The following WDFY4 variants were observed in gnomAD, a reference collection of about 807,000 sequenced individuals.
WDFY4 encodes WDFY family member 4.
Under a neutral mutation model 351.9 loss-of-function variants are expected in WDFY4, and 169 were observed. The ratio of observed to expected loss-of-function variants is 0.48; its 90% confidence interval spans 0.42 to 0.55. WDFY4 has a LOEUF of 0.55. WDFY4 is among the 20% of genes least tolerant of loss of function. WDFY4 has a pLI of 0.00. For missense variants in WDFY4, 3,803 were observed against 3,935.6 expected, an observed-to-expected ratio of 0.97 and a Z score of 0.90; for synonymous variants, 1,622 against 1,574.6, an observed-to-expected ratio of 1.03 and a Z score of -0.71.
intron 44 of WDFY4, among the ~76,000 whole-genome samples, chr10:48,893,512 C>T (rs972817110): frequency 9.2e-5 from 14 of 152,166 alleles, no homozygotes; most frequent in African/African-American, 3.4e-4. Flanking sequence ...ATAATTCTTC[C>T]CCATCAGTGA....
At chr10:48,850,159 T>C (rs1435211760) in intron 39 of WDFY4, among the ~76,000 whole-genome samples, 1 of 152,248 alleles carries the variant, frequency 6.6e-6, no homozygotes, top group Non-Finnish European at 1.5e-5. Flanking sequence ...CAGATTCCTC[T>C]ATGGTAAAGT....
chr10:48,901,573 G>A (rs765653483), intron 46 of WDFY4, among the ~76,000 whole-genome samples: 2 of 152,180 alleles, frequency 1.3e-5, no homozygotes, highest in Non-Finnish European at 2.9e-5. Flanking sequence ...AGTAATTATT[G>A]TTTTATTGTT....
chr10:48,694,421 C>T (rs557331482), intron 1 of WDFY4, among the ~76,000 whole-genome samples: 2 of 152,238 alleles, frequency 1.3e-5, no homozygotes, highest in South Asian at 4.2e-4. Flanking sequence ...CCTCCTACTC[C>T]CTCTCCAAAG....
chr10:48,926,596 G>T (rs1040127108), intron 47 of WDFY4, among the ~76,000 whole-genome samples: 1 of 152,192 alleles, frequency 6.6e-6, no homozygotes, highest in Non-Finnish European at 1.5e-5. Context: ...AATCATTTCA[G>T]TGTGACCCAT....
chr10:48,933,677 A>C (rs1402376160), intron 47 of WDFY4, among the ~76,000 whole-genome samples: 2 of 152,166 alleles, frequency 1.3e-5, no homozygotes, highest in African/African-American at 4.8e-5. Context: ...ATTATATGAT[A>C]CTAGTAGGGA....
intron 1 of WDFY4, among the ~76,000 whole-genome samples, chr10:48,705,556 C>T (rs183013952): frequency 6.6e-6 from 1 of 152,290 alleles, no homozygotes; most frequent in African/African-American, 2.4e-5. Flanking sequence ...GTTTCCTTCT[C>T]TTTTCAAATA....
At chr10:48,693,201 C>A (rs768737848) in intron 1 of WDFY4, among the ~76,000 whole-genome samples, 1 of 152,140 alleles carries the variant, frequency 6.6e-6, no homozygotes, top group Non-Finnish European at 1.5e-5. Context: ...ATGGGAGCTG[C>A]GGAGGACGTT....
Position 48,974,527 on chromosome 10 carries a change from A to AAAAAAAAAAAAAAAAAC in WDFY4, c.8929-333_8929-332insAAAAAAAAAAAAAACAA. Among the ~76,000 whole-genome samples the AAAAAAAAAAAAAAAAAC allele has an allele frequency of 5.6e-4, 13 of 23,146 alleles. 3 individuals are homozygous for AAAAAAAAAAAAAAAAAC. Among genetic ancestry groups the AAAAAAAAAAAAAAAAAC allele is most frequent in the African/African-American group, 9.5e-4 (13 of 13,750 alleles). The allele number at this position is 23,146 out of a possible 152,430, so 15.2% of individuals were successfully genotyped here. Reference sequence around the variant, plus strand: ...CAAAAAAAAAAAAAAAAAAAAAAAAAAACAACTCATGACATGAACTGCTCC... The same window carrying AAAAAAAAAAAAAAAAAC: ...CAAAAAAAAAAAAAAAAAAAAAAAAAAAAAAAAAAAAAAAAACAACAACTCATGACATGAACTGCTCC... On this transcript the variant is annotated intron_variant, in intron 57 of 61. Transcript: ENST00000325239.
chr10:48,820,535 G>A, intron 33 of WDFY4, 98 bp downstream of exon 33: 1 of 1,322,448 alleles, frequency 7.6e-7, no homozygotes, highest in Non-Finnish European at 1.0e-6. Flanking sequence ...AGAGGGCCTG[G>A]GGGCCACAGC....
intron 47 of WDFY4, among the ~76,000 whole-genome samples, chr10:48,937,700 A>G (rs1190973898): frequency 6.6e-6 from 1 of 152,216 alleles, no homozygotes; most frequent in African/African-American, 2.4e-5. Context: ...GGGAAATGAA[A>G]AGCGATAGGT....
At chr10:48,939,320 T>C (rs1024461650) in intron 47 of WDFY4, among the ~76,000 whole-genome samples, 4 of 152,202 alleles carry the variant, frequency 2.6e-5, no homozygotes, top group African/African-American at 9.6e-5. Context: ...ATGCTAGCCT[T>C]TTCCAGACCC....
intron 47 of WDFY4, among the ~76,000 whole-genome samples, chr10:48,909,324 C>T (rs1241704269): frequency 1.7e-4 from 26 of 151,784 alleles, no homozygotes; most frequent in Non-Finnish European, 7.4e-5. Flanking sequence ...GTTTCTTTTT[C>T]CTGCCTACCT....
chr10:48,835,020 C>A (rs770755405), intron 39 of WDFY4, among the ~76,000 whole-genome samples: 6 of 152,198 alleles, frequency 3.9e-5, no homozygotes, highest in Non-Finnish European at 8.8e-5. Context: ...TGGGTGAGGG[C>A]AGGCTGCTGA....
chr10:48,727,727 G>A, intron 7 of WDFY4, 68 bp downstream of exon 7: 1 of 1,513,082 alleles, frequency 6.6e-7, no homozygotes, highest in Non-Finnish European at 8.9e-7. Context: ...GAATCATTGG[G>A]GTGCTTTGCA....
At chr10:48,920,578 A>G (rs763746940) in intron 47 of WDFY4, among the ~76,000 whole-genome samples, 5 of 152,354 alleles carry the variant, frequency 3.3e-5, no homozygotes, top group Admixed American at 6.5e-5. Flanking sequence ...CGTGAAGGAC[A>G]GAAGGTTCTT....
intron 47 of WDFY4, among the ~76,000 whole-genome samples, chr10:48,915,042 C>A (rs959012399): frequency 2.6e-5 from 4 of 152,314 alleles, no homozygotes; most frequent in African/African-American, 9.6e-5. Context: ...GGGATTCTGG[C>A]TTCTGCATGC....
At chr10:48,923,762 C>A (rs1030194806) in intron 47 of WDFY4, among the ~76,000 whole-genome samples, 2 of 152,068 alleles carry the variant, frequency 1.3e-5, no homozygotes, top group African/African-American at 4.8e-5. Context: ...CTGATTCTGG[C>A]CACCAGATTC....
intron 39 of WDFY4, among the ~76,000 whole-genome samples, chr10:48,845,265 C>T (rs903938609): frequency 1.3e-5 from 2 of 152,178 alleles, no homozygotes; most frequent in African/African-American, 4.8e-5. Context: ...TTTCATCTGG[C>T]TCTAGCTCTC....
intron 52 of WDFY4, among the ~76,000 whole-genome samples, chr10:48,958,275 GTGTTCAAA>G (rs1841700526): frequency 6.6e-6 from 1 of 152,228 alleles, no homozygotes; most frequent in Non-Finnish European, 1.5e-5. Context: ...GACCTTGGTG[GTGTTCAAA>G]TCGTTAGACA....
Sources: allele counts gnomAD v4.1 joint callset (sites outside exome capture counted in the v4.1 genomes callset), GRCh38; gene constraint gnomAD v4.1.1; transcripts MANE v1.5; gene names NCBI Gene and HGNC (gene_info 2026-07-23, HGNC 2026-07-21).